PIEZO2: variants seen among roughly 807,000 people sequenced by gnomAD.
The protein encoded by PIEZO2 is piezo type mechanosensitive ion channel component 2, also known as piezo-type mechanosensitive ion channel component 2.
Under a neutral mutation model 337.3 loss-of-function variants are expected in PIEZO2, and 172 were observed. That is an observed-to-expected ratio of 0.51 (90% confidence interval 0.45 to 0.58). The LOEUF (loss-of-function observed/expected upper bound fraction) is 0.58, where lower values mean the gene tolerates loss of function less well. Ranked by LOEUF, PIEZO2 falls within the 20% of genes least tolerant of loss-of-function variation. The pLI is 0.00. For missense variants in PIEZO2, 3,028 were observed against 3,391.3 expected (o/e 0.89, Z 2.66); for synonymous variants, 1,251 against 1,228.5 (o/e 1.02, Z -0.38).
intron 2 of PIEZO2, among the ~76,000 whole-genome samples, chr18:11,052,259 T>C (rs1433764627): frequency 6.6e-6 from 1 of 152,240 alleles, no homozygotes; most frequent in African/African-American, 2.4e-5. Context: ...TCTGAGTCTC[T>C]GGGCTGTCCC....
intron 52 of PIEZO2, among the ~76,000 whole-genome samples, chr18:10,678,497 C>A (rs2034115159): frequency 6.6e-6 from 1 of 152,050 alleles, no homozygotes; most frequent in South Asian, 2.1e-4. Context: ...TTCTTCTGTA[C>A]CTGTCATGCT....
At chr18:10,684,178 TTTTTTG>T (rs2034421027) in intron 49 of PIEZO2, among the ~76,000 whole-genome samples, 1 of 128,572 alleles carries the variant, frequency 7.8e-6, no homozygotes, top group Non-Finnish European at 1.6e-5. Flanking sequence ...TTTTTTTTTT[TTTTTTG>T]AGACGGAGTC....
chr18:11,108,613 CAAAAAAAA>C (rs532226919), intron 1 of PIEZO2, among the ~76,000 whole-genome samples: 18 of 56,884 alleles, frequency 3.2e-4, no homozygotes, highest in South Asian at 2.1e-3. Flanking sequence ...GACTCCCTCT[CAAAAAAAA>C]AAAAAAAAAA....
At position 10,857,091 on chromosome 18, in the gene PIEZO2, C is replaced by A. The variant is rs1358447285; in HGVS notation, c.613G>T (p.Ala205Ser). 1 of 1,537,582 alleles carries A rather than the reference C, an allele frequency of 6.5e-7. No individual in the cohort carries two copies. Among genetic ancestry groups the A allele is most frequent in the Admixed American group, 2.0e-5 (1 of 51,010 alleles). Residue 205 changes from alanine to serine, a missense_variant, in exon 6 of 56, where the codon GCC becomes TCC. Coordinates refer to ENST00000674853, the MANE Select transcript of PIEZO2 (RefSeq NM_001378183.1). ...TCCTTGAGCTTAGAGGCCACAGAGG[C>A]AAGCCTGCGGAACATTTTTAACTTC... Reference protein sequence around the residue: ...STKLKMFRRLASVASKLKEFI... With the variant: ...STKLKMFRRLSSVASKLKEFI...
At position 11,143,364 on chromosome 18, in the gene PIEZO2, TA is replaced by T; in HGVS notation, c.64+5160del. The stretch of plus-strand genomic sequence containing the variant: ...CATAACTTCACATACAATTCACTGT[TA>T]GTAGCACAAGAACCCAAAAGGAAAA... On this transcript the variant is annotated intron_variant, in intron 1 of 55. Coordinates refer to ENST00000674853, the MANE Select transcript of PIEZO2 (RefSeq NM_001378183.1). The surrounding 1 kb of genome is among the most constrained non-coding windows in gnomAD (Gnocchi z 4.9). 6.6e-6 allele frequency among the ~76,000 whole-genome samples: 1 copy of T among 152,294 alleles called. No homozygotes were observed. Among genetic ancestry groups the T allele is most frequent in the Non-Finnish European group, 1.5e-5 (1 of 68,024 alleles).
rs77903703 is a variant in PIEZO2, at chr18:10,773,340, C to A, written c.2785+72G>T. ...GGGTCAAATATATATTCTTTTGGAGCAAGTCAATGTTTCCTTCACTCAGTC... is the reference window on the plus strand; with the variant it reads ...GGGTCAAATATATATTCTTTTGGAGAAAGTCAATGTTTCCTTCACTCAGTC... On this transcript the variant is annotated intron_variant, in intron 20 of 55. Transcript: ENST00000674853. This position sits in a 1 kb window ranked among gnomAD's most constrained non-coding sequence, Gnocchi z 5.3. The A allele has an allele frequency of 4.9e-6, 7 of 1,415,200 alleles. No individual in the cohort carries two copies. Among genetic ancestry groups the A allele is most frequent in the Non-Finnish European group, 6.7e-6 (7 of 1,038,202 alleles). 87.7% of individuals were successfully genotyped at this position (1,415,200 alleles called of 1,614,324 possible).
chr18:11,049,259 C>T (rs1409133294), intron 2 of PIEZO2, among the ~76,000 whole-genome samples: 4 of 152,228 alleles, frequency 2.6e-5, no homozygotes. Flanking sequence ...AACAAGCACT[C>T]AACATTCGAG....
In PIEZO2 at chr18:10,671,656, C is replaced by G; in HGVS notation, c.8469G>C (p.Leu2823Phe). 6.2e-7 allele frequency: 1 copy of G among 1,613,978 alleles called. No individual in the cohort carries two copies. Among genetic ancestry groups the G allele is most frequent in the Non-Finnish European group, 8.5e-7 (1 of 1,179,988 alleles). ...CTCGAACTAAAAAAATATCTGTGCA[C>G]AACTTCAAAATTCGATCCACATTTG... Reference protein sequence around the residue: ...ELPNVDRILKLCTDIFLVRET... With the variant: ...ELPNVDRILKFCTDIFLVRET... The change falls in exon 56 of 56, where the codon TTG (leucine) becomes TTC (phenylalanine). Residue 2823 changes from leucine (L) to phenylalanine (F), a missense_variant. By Grantham distance (22) the Leu-to-Phe change is conservative (BLOSUM62 0). Around this residue, in one of 5 missense-constraint regions of PIEZO2, gnomAD observed 332 missense variants for 363.8 expected, o/e 0.91. Transcript: ENST00000674853.
chr18:10,907,708 T>G (rs2030083999), intron 4 of PIEZO2, among the ~76,000 whole-genome samples: 1 of 152,078 alleles, frequency 6.6e-6, no homozygotes, highest in Admixed American at 6.5e-5. Context: ...TGTCCACGAA[T>G]GTACAAAGCC....
intron 47 of PIEZO2, among the ~76,000 whole-genome samples, chr18:10,692,034 A>G (rs185810812): frequency 1.7e-3 from 257 of 152,034 alleles, no homozygotes; most frequent in African/African-American, 5.9e-3. Flanking sequence ...CTGCAAATCT[A>G]TAACTCCATG....
rs867830731 is a variant in PIEZO2, at chr18:10,861,887, G to A, written c.493-4676C>T. On this transcript the variant is annotated intron_variant, in intron 5 of 55. Coordinates refer to ENST00000674853, the MANE Select transcript of PIEZO2 (RefSeq NM_001378183.1). The surrounding 1 kb of genome is among the most constrained non-coding windows in gnomAD (Gnocchi z 4.3). The stretch of plus-strand genomic sequence containing the variant: ...ACAAAAATTAGCTGGGCATGGTGGC[G>A]CACGCCTGTAATCCCAGCTACTCAG... 3.3e-5 allele frequency among the ~76,000 whole-genome samples: 5 copies of A among 151,970 alleles called. No individual in the cohort carries two copies. Among genetic ancestry groups the A allele is most frequent in the East Asian group, 1.9e-4 (1 of 5,154 alleles).
rs527432429 is a variant in PIEZO2 at position 10,827,912 on chromosome 18, A to G, written c.918-20638T>C. Among the ~76,000 whole-genome samples, 3 of 152,338 alleles carry G rather than the reference A, an allele frequency of 2.0e-5. No individual in the cohort carries two copies. In the East Asian group the frequency reaches 5.8e-4, roughly 29 times the overall value. ...TTTTACTATTGTTTTCTTCAATGACATCTAACAGAAAATTAATTTATGGTA... is the reference window on the plus strand; with the variant it reads ...TTTTACTATTGTTTTCTTCAATGACGTCTAACAGAAAATTAATTTATGGTA... On this transcript the variant is annotated intron_variant, in intron 7 of 55. Transcript: ENST00000674853.
At chr18:10,941,087 A>T (rs1252499262) in intron 3 of PIEZO2, among the ~76,000 whole-genome samples, 1 of 152,180 alleles carries the variant, frequency 6.6e-6, no homozygotes, top group East Asian at 1.9e-4. Flanking sequence ...CATCTTAAAC[A>T]TAAGGGACTT....
chr18:10,963,053 G>C (rs2033851767), intron 3 of PIEZO2, among the ~76,000 whole-genome samples: 1 of 152,126 alleles, frequency 6.6e-6, no homozygotes, highest in African/African-American at 2.4e-5. Context: ...TTGGGAGCCT[G>C]AGGTGGGTGG....
intron 7 of PIEZO2, among the ~76,000 whole-genome samples, chr18:10,836,221 A>C (rs1353506791): frequency 1.3e-5 from 2 of 152,136 alleles, no homozygotes; most frequent in Non-Finnish European, 2.9e-5. Context: ...CCCTTGACTG[A>C]TGATTCCTGG....
At position 10,942,012 on chromosome 18, in the gene PIEZO2, C is replaced by T. The variant is rs1424542323; in HGVS notation, c.287-30784G>A. Among the ~76,000 whole-genome samples, 1 of 152,202 alleles carries T rather than the reference C, an allele frequency of 6.6e-6. No individual in the cohort carries two copies. The highest frequency in any genetic ancestry group is 6.5e-5 in the Admixed American group (1 of 15,286). The stretch of plus-strand genomic sequence containing the variant: ...TGGGAGTTTCTCTGTACAAGTCTCT[C>T]TTCGCCTGCTGCCATCCACGTAAGA... On this transcript the variant is annotated intron_variant, in intron 3 of 55. Coordinates refer to ENST00000674853, the MANE Select transcript of PIEZO2 (RefSeq NM_001378183.1). The surrounding 1 kb of genome is among the most constrained non-coding windows in gnomAD (Gnocchi z 4.4).
intron 40 of PIEZO2, among the ~76,000 whole-genome samples, chr18:10,708,023 T>C (rs2035657434): frequency 6.6e-6 from 1 of 152,212 alleles, no homozygotes; most frequent in East Asian, 1.9e-4. Context: ...TGGAGGAGAA[T>C]GTTTGTGATA....
At chr18:10,994,768 T>C (rs906090147) in intron 2 of PIEZO2, among the ~76,000 whole-genome samples, 4 of 151,962 alleles carry the variant, frequency 2.6e-5, no homozygotes, top group African/African-American at 9.7e-5. Flanking sequence ...CTAGTTTACA[T>C]TTCCACCAGC....
In PIEZO2 at chr18:10,713,117, A is replaced by G. The variant is rs2035883008; in HGVS notation, c.5423+1647T>C. 6.6e-6 allele frequency among the ~76,000 whole-genome samples: 1 copy of G among 152,208 alleles called. No individual in the cohort carries two copies. Among genetic ancestry groups the G allele is most frequent in the South Asian group, 2.1e-4 (1 of 4,832 alleles). ...ATATTACTTCTAAATCAATCTAGGC[A>G]TGAATATATATATTTTAAATTAGGC... On this transcript the variant is annotated intron_variant, in intron 39 of 55. Transcript: ENST00000674853. The surrounding 1 kb of genome is among the most constrained non-coding windows in gnomAD (Gnocchi z 4.5).
Sources: gnomAD v4.1 joint callset for allele counts (sites outside exome capture counted in the v4.1 genomes callset) on GRCh38, gnomAD v4.1.1 for gene constraint, gnomAD v4.1.1 regional missense constraint, Gnocchi (gnomAD v3.1) non-coding constraint, MANE v1.5 for transcripts, NCBI Gene and HGNC (gene_info 2026-07-23, HGNC 2026-07-21) for gene names.